Variants in PCDHA2 observed in about 807,000 individuals in gnomAD.
The protein encoded by PCDHA2 is protocadherin alpha-2.
A neutral mutation model predicts 66.0 loss-of-function variants in PCDHA2; 58 were observed. The observed-to-expected ratio is 0.88, with a 90% confidence interval of 0.71 to 1.09. The LOEUF (loss-of-function observed/expected upper bound fraction) is 1.09. Among genes scored for constraint, PCDHA2 ranks in the 50% least tolerant of loss-of-function variants. PCDHA2 has a pLI of 0.00. For missense variants in PCDHA2, 1,267 were observed against 1,242.3 expected, an observed-to-expected ratio of 1.02 and a Z score of -0.30; for synonymous variants, 634 against 554.0, an observed-to-expected ratio of 1.14 and a Z score of -2.03.
intron 1 of PCDHA2, chr5:140,822,197 T>A (rs1767226544): frequency 6.2e-7 from 1 of 1,614,220 alleles, no homozygotes; most frequent in Middle Eastern, 1.6e-4. Context: ...AGATTATTCA[T>A]TTTAGAGTCA....
intron 1 of PCDHA2, among the ~76,000 whole-genome samples, chr5:140,924,894 C>CAAAA (rs782133089): frequency 2.8e-5 from 2 of 71,514 alleles, no homozygotes; most frequent in Non-Finnish European, 3.2e-5. Flanking sequence ...GAACCTGTCT[C>CAAAA]AAAAAAAAAA....
At chr5:140,871,852 T>A (rs767921370) in intron 1 of PCDHA2, among the ~76,000 whole-genome samples, 12 of 152,354 alleles carry the variant, frequency 7.9e-5, no homozygotes, top group African/African-American at 2.4e-4. Flanking sequence ...ATTATGACCA[T>A]AATAACTATG....
intron 1 of PCDHA2, chr5:140,876,767 C>G (rs1462172871): frequency 6.2e-7 from 1 of 1,614,076 alleles, no homozygotes. Flanking sequence ...GATGGGGGCT[C>G]GCCTTCGCTG....
At position 140,851,057 on chromosome 5, in the gene PCDHA2, C is replaced by T; in HGVS notation, c.2388+53705C>T. The T allele has an allele frequency of 2.9e-6, 4 of 1,378,132 alleles. No homozygotes were observed. In the African/African-American group the frequency reaches 4.4e-5, roughly 15 times the overall value. 85.4% of individuals were successfully genotyped at this position (1,378,132 alleles called of 1,614,324 possible). ...AACATTGGAGCCGACTTTGTCTTGA[C>T]TTCTAGTGAGAATTATAAACTGTAT... On this transcript the variant is annotated intron_variant, in intron 1 of 3. Transcript: ENST00000526136.
intron 1 of PCDHA2, chr5:140,858,619 C>T: frequency 8.6e-7 from 1 of 1,161,702 alleles, no homozygotes; most frequent in Non-Finnish European, 1.2e-6. Context: ...TTTATCCTAC[C>T]CAGTGTGTCA....
rs116326633 is a variant in PCDHA2 at position 141,003,488 on chromosome 5, G to A, written c.2537-6139G>A. Reference sequence around the variant, plus strand: ...CACCACAGTCTCGCTAATTTTTATAGTTTTAGTAGAGATGGGGTTTCACCA... The same window carrying A: ...CACCACAGTCTCGCTAATTTTTATAATTTTAGTAGAGATGGGGTTTCACCA... On this transcript the variant is annotated intron_variant, in intron 3 of 3. Transcript: ENST00000526136. 8.1e-3 allele frequency among the ~76,000 whole-genome samples: 1,225 copies of A among 152,062 alleles called. 19 individuals are homozygous for A. The highest frequency in any genetic ancestry group is 0.028 in the African/African-American group (1,155 of 41,502).
chr5:140,974,975 T>A (rs782637911), intron 1 of PCDHA2, among the ~76,000 whole-genome samples: 1 of 152,222 alleles, frequency 6.6e-6, no homozygotes, highest in African/African-American at 2.4e-5. Context: ...GTGGCTGAGT[T>A]GTCCGCTCAG....
chr5:140,975,686 A>G (rs558112597), intron 1 of PCDHA2, among the ~76,000 whole-genome samples: 1 of 152,328 alleles, frequency 6.6e-6, no homozygotes, highest in East Asian at 1.9e-4. Flanking sequence ...AAAATAGGGT[A>G]TTTTAAACTT....
intron 1 of PCDHA2, chr5:140,862,036 A>G (rs1554155572): frequency 6.4e-6 from 1 of 155,636 alleles, no homozygotes; most frequent in African/African-American, 2.4e-5. Flanking sequence ...CGAGGGTTCA[A>G]ACCGTCACAT....
intron 1 of PCDHA2, among the ~76,000 whole-genome samples, chr5:140,926,157 C>T (rs1264983904): frequency 4.0e-5 from 6 of 151,736 alleles, no homozygotes; most frequent in Non-Finnish European, 8.8e-5. Flanking sequence ...GAAAGCTCTG[C>T]AGCAGGATCC....
chr5:140,891,893 CAAG>C (rs2063302978), intron 1 of PCDHA2, among the ~76,000 whole-genome samples: 1 of 152,210 alleles, frequency 6.6e-6, no homozygotes, highest in Non-Finnish European at 1.5e-5. Flanking sequence ...GACGATGCAG[CAAG>C]AAGATCTTCA....
intron 3 of PCDHA2, among the ~76,000 whole-genome samples, chr5:141,000,361 GTCTCTCTCTCTCTC>G (rs148596731): frequency 5.7e-4 from 15 of 26,444 alleles, no homozygotes; most frequent in African/African-American, 2.0e-3. Context: ...GTCTCTCTCT[GTCTCTCTCTCTCTC>G]TCTCTCTCTC....
intron 1 of PCDHA2, chr5:140,884,056 G>C (rs782776341): frequency 6.2e-7 from 1 of 1,613,476 alleles, no homozygotes; most frequent in African/African-American, 1.3e-5. Context: ...AGGTGCGCGC[G>C]GTGGACGCCG....
intron 1 of PCDHA2, chr5:140,829,211 G>C (rs2150163941): frequency 6.2e-7 from 1 of 1,614,206 alleles, no homozygotes; most frequent in Non-Finnish European, 8.5e-7. Flanking sequence ...CCTAATTAGC[G>C]TGAACGACCT....
At chr5:140,945,369 A>T (rs2153669585) in intron 1 of PCDHA2, among the ~76,000 whole-genome samples, 1 of 152,234 alleles carries the variant, frequency 6.6e-6, no homozygotes, top group African/African-American at 2.4e-5. Flanking sequence ...TAAAATGTCC[A>T]TATTACCCAA....
At chr5:140,895,922 T>G (rs1301725770) in intron 1 of PCDHA2, among the ~76,000 whole-genome samples, 1 of 152,190 alleles carries the variant, frequency 6.6e-6, no homozygotes, top group African/African-American at 2.4e-5. Context: ...ACAATTATCC[T>G]GCCTCAGCCT....
intron 1 of PCDHA2, chr5:140,807,039 A>C: frequency 1.0e-6 from 1 of 962,924 alleles, no homozygotes; most frequent in Non-Finnish European, 1.6e-6. Flanking sequence ...AAGAAGGGAA[A>C]ATTCCTTCTA....
intron 1 of PCDHA2, chr5:140,867,087 G>T (rs1320862107): frequency 3.9e-5 from 6 of 151,970 alleles, no homozygotes; most frequent in African/African-American, 1.4e-4. Context: ...CTGTATTGTT[G>T]GAAATTAACA....
chr5:140,835,883 C>G lies in PCDHA2; in HGVS notation c.2388+38531C>G, dbSNP rs2150247387. On this transcript the variant is annotated intron_variant, in intron 1 of 3. Transcript: ENST00000526136. ...ACTCGCTGGTGGAGCTGCGGGTGGG[C>G]GAGCGCGCGCTGTCGAGCTACGTGT... 3.1e-6 allele frequency: 5 copies of G among 1,611,944 alleles called. No homozygotes were observed. In the Admixed American group the frequency reaches 5.0e-5, roughly 16 times the overall value.
Sources: allele counts gnomAD v4.1 joint callset (sites outside exome capture counted in the v4.1 genomes callset), GRCh38; gene constraint gnomAD v4.1.1; transcripts MANE v1.5; gene names NCBI Gene and HGNC (gene_info 2026-07-23, HGNC 2026-07-21).